The following PPP2R2B variants were observed in gnomAD, a reference collection of about 807,000 sequenced individuals.
The protein encoded by PPP2R2B is serine/threonine-protein phosphatase 2A 55 kDa regulatory subunit B beta isoform.
In PPP2R2B, 5 loss-of-function variants were observed where a neutral mutation model predicts 46.0. That is an observed-to-expected ratio of 0.11 (90% CI 0.06 to 0.23). PPP2R2B has a LOEUF of 0.23. Among genes scored for constraint, PPP2R2B ranks in the 10% least tolerant of loss-of-function variants. The pLI, the probability that PPP2R2B is intolerant of heterozygous loss-of-function variation, is 1.00. For missense variants in PPP2R2B, 367 were observed against 575.0 expected (o/e 0.64, Z 3.70); for synonymous variants, 215 against 206.7 (o/e 1.04, Z -0.34).
chr5:146,827,821 G>A (rs1366789105), intron 2 of PPP2R2B, among the ~76,000 whole-genome samples: 3 of 152,120 alleles, frequency 2.0e-5, no homozygotes, highest in African/African-American at 7.2e-5. Flanking sequence ...CTTTAATTCT[G>A]TCGGTAAATA....
chr5:147,043,610 CAGG>C (rs1756414283), intron 1 of PPP2R2B, among the ~76,000 whole-genome samples: 1 of 152,120 alleles, frequency 6.6e-6, no homozygotes, highest in Non-Finnish European at 1.5e-5. Flanking sequence ...AGGGTAGGAC[CAGG>C]AGGTCTTTAT....
At chr5:146,806,153 A>T (rs1370799520) in intron 2 of PPP2R2B, among the ~76,000 whole-genome samples, 2 of 152,200 alleles carry the variant, frequency 1.3e-5, no homozygotes, top group Non-Finnish European at 2.9e-5. Flanking sequence ...AGTGTGTGTG[A>T]TGCGCACATA....
intron 1 of PPP2R2B, among the ~76,000 whole-genome samples, chr5:147,003,798 G>T (rs149469760): frequency 6.6e-6 from 1 of 152,120 alleles, no homozygotes; most frequent in African/African-American, 2.4e-5. Flanking sequence ...GTCCACCATA[G>T]CTCAGGGAAA....
In PPP2R2B at chr5:146,876,028, A is replaced by G. The variant is rs180680406; in HGVS notation, c.70+1974T>C. Among the ~76,000 whole-genome samples, 21 of 152,284 alleles carry G rather than the reference A, an allele frequency of 1.4e-4. No homozygotes were observed. The East Asian group carries it at 3.9e-3, about 28-fold the overall frequency. On this transcript the variant is annotated intron_variant, in intron 2 of 9. Coordinates refer to ENST00000394411, the MANE Select transcript of PPP2R2B (RefSeq NM_181675.4). ...TCCTTTTCTTTTCATACCTTCTCTAAGATCAGATTTTAAAACCTAGAAGCT... is the reference window on the plus strand; with the variant it reads ...TCCTTTTCTTTTCATACCTTCTCTAGGATCAGATTTTAAAACCTAGAAGCT...
At chr5:146,591,197 G>A (rs1285531364) in intron 9 of PPP2R2B, among the ~76,000 whole-genome samples, 3 of 152,186 alleles carry the variant, frequency 2.0e-5, no homozygotes, top group South Asian at 4.1e-4. Context: ...GGCTCCTTAA[G>A]ATGGGAGAGC....
At chr5:146,850,089 C>T (rs1446669803) in intron 2 of PPP2R2B, among the ~76,000 whole-genome samples, 2 of 152,120 alleles carry the variant, frequency 1.3e-5, no homozygotes, top group Non-Finnish European at 2.9e-5. Flanking sequence ...ATTAACGATG[C>T]TAATTTATGT....
intron 7 of PPP2R2B, among the ~76,000 whole-genome samples, chr5:146,615,825 A>T (rs944908428): frequency 6.6e-6 from 1 of 152,244 alleles, no homozygotes; most frequent in Non-Finnish European, 1.5e-5. Context: ...CACCCAAAGC[A>T]GTCTACAGAT....
At position 146,745,443 on chromosome 5, in the gene PPP2R2B, T is replaced by C. The variant is rs541054233; in HGVS notation, c.71-44301A>G. ...GGAAGATCTAGAAAGAAAATAAATA[T>C]ATCAGCATTTTGTCAGCTGTTAAGT... On this transcript the variant is annotated intron_variant, in intron 2 of 9. Transcript: ENST00000394411. 3.3e-5 allele frequency among the ~76,000 whole-genome samples: 5 copies of C among 152,316 alleles called. No homozygotes were observed. In the South Asian group the frequency reaches 6.2e-4, roughly 19 times the overall value.
intron 2 of PPP2R2B, among the ~76,000 whole-genome samples, chr5:146,726,227 T>C (rs571845828): frequency 6.6e-6 from 1 of 152,212 alleles, no homozygotes; most frequent in African/African-American, 2.4e-5. Context: ...GCCAAGCACT[T>C]ACTGGGCGTC....
chr5:146,982,630 T>G (rs1753228571), intron 1 of PPP2R2B, among the ~76,000 whole-genome samples: 1 of 152,202 alleles, frequency 6.6e-6, no homozygotes, highest in South Asian at 2.1e-4. Context: ...AAAAAGGGGT[T>G]GTCGAAGTCT....
chr5:146,945,395 C>T (rs972990784), intron 1 of PPP2R2B, among the ~76,000 whole-genome samples: 7 of 152,162 alleles, frequency 4.6e-5, no homozygotes, highest in Admixed American at 1.3e-4. Flanking sequence ...TTAAAACAAA[C>T]ATTTCTTTTC....
At chr5:147,045,512 G>C (rs1049255093) in intron 1 of PPP2R2B, among the ~76,000 whole-genome samples, 1 of 152,060 alleles carries the variant, frequency 6.6e-6, no homozygotes, top group African/African-American at 2.4e-5. Flanking sequence ...AGTGATGAAA[G>C]TGCCTAACAT....
chr5:146,990,449 G>A (rs1467750085), intron 1 of PPP2R2B, among the ~76,000 whole-genome samples: 1 of 151,990 alleles, frequency 6.6e-6, no homozygotes. Context: ...TTTTGCCAAA[G>A]GTGGCAAGAA....
At chr5:146,943,416 C>T (rs1409963740) in intron 1 of PPP2R2B, among the ~76,000 whole-genome samples, 3 of 152,118 alleles carry the variant, frequency 2.0e-5, no homozygotes, top group Non-Finnish European at 4.4e-5. Flanking sequence ...CTTTTAGCTT[C>T]AGTACTCATA....
chr5:146,793,252 G>T (rs1366598864), intron 2 of PPP2R2B, among the ~76,000 whole-genome samples: 1 of 152,178 alleles, frequency 6.6e-6, no homozygotes, highest in Non-Finnish European at 1.5e-5. Flanking sequence ...AAAAAGGTTT[G>T]TTCAGGAGAT....
chr5:146,783,424 A>G (rs761242133), intron 2 of PPP2R2B, among the ~76,000 whole-genome samples: 3 of 152,144 alleles, frequency 2.0e-5, no homozygotes, highest in Non-Finnish European at 4.4e-5. Context: ...TGCTCATAAA[A>G]CCTACCTTTG....
chr5:146,719,422 T>A (rs1780666543), intron 2 of PPP2R2B, among the ~76,000 whole-genome samples: 1 of 152,270 alleles, frequency 6.6e-6, no homozygotes, highest in African/African-American at 2.4e-5. Context: ...ACAAGTGATG[T>A]GCCTTTGGGC....
chr5:147,012,238 T>A (rs1754774010), intron 1 of PPP2R2B, among the ~76,000 whole-genome samples: 1 of 152,166 alleles, frequency 6.6e-6, no homozygotes, highest in African/African-American at 2.4e-5. Flanking sequence ...AGCTATTGAT[T>A]ATTGCCACAA....
At chr5:146,939,851 G>A (rs755695297) in intron 1 of PPP2R2B, among the ~76,000 whole-genome samples, 1 of 151,948 alleles carries the variant, frequency 6.6e-6, no homozygotes, top group Non-Finnish European at 1.5e-5. Context: ...ATACCTAACT[G>A]TTCCTTAATT....
Sources: allele counts gnomAD v4.1 joint callset (sites outside exome capture counted in the v4.1 genomes callset), GRCh38; gene constraint gnomAD v4.1.1; transcripts MANE v1.5; gene names NCBI Gene and HGNC (gene_info 2026-07-23, HGNC 2026-07-21).